SIGLEC1: variants seen among roughly 807,000 people sequenced by gnomAD.
SIGLEC1 encodes sialoadhesin.
Under a neutral mutation model 148.0 loss-of-function variants are expected in SIGLEC1, and 132 were observed. The observed-to-expected ratio is 0.89, with a 90% CI of 0.77 to 1.03. SIGLEC1 has a LOEUF of 1.03. SIGLEC1 is among the 50% of genes least tolerant of loss of function. The pLI is 0.00. For missense variants in SIGLEC1, 2,253 were observed against 2,271.4 expected (o/e 0.99, Z 0.16); for synonymous variants, 945 against 969.0 (o/e 0.98, Z 0.46).
chr20:3,689,806 G>A (rs780476460), intron 19 of SIGLEC1, 104 bp from the exon 20 acceptor site: 8 of 1,227,020 alleles, frequency 6.5e-6, no homozygotes, highest in South Asian at 2.8e-5. Context: ...TTGCTTTATC[G>A]CTGAAGCTCT....
At chr20:3,692,324 A>T in intron 16 of SIGLEC1, 122 bp from the exon 17 acceptor site, 2 of 1,191,532 alleles carry the variant, frequency 1.7e-6, no homozygotes, top group Non-Finnish European at 2.3e-6. Flanking sequence ...TAGAAGTGAC[A>T]CCTTCCCAGG....
At position 3,690,251 on chromosome 20, in the gene SIGLEC1, C is replaced by T. The variant is rs914065644; in HGVS notation, c.4605G>A (p.Thr1535=). The T allele has an allele frequency of 3.9e-6, 6 of 1,546,166 alleles. No homozygotes were observed. Among genetic ancestry groups the T allele is most frequent in the African/African-American group, 1.4e-5 (1 of 72,996 alleles). The change falls in exon 19 of 22, where the codon ACG becomes ACA. Residue 1535 remains threonine, a synonymous_variant. Transcript: ENST00000344754. ...GCTCCACGAAGACCATCATGGTGGG[C>T]GTCTTGGGAGGGTCTGTGGGGAGGA... ...VMLRVLYPPK[T]PTMMVFVEPE...
intron 20 of SIGLEC1, 157 bp downstream of exon 20, chr20:3,689,443 A>G: frequency 1.5e-6 from 1 of 657,100 alleles, no homozygotes; most frequent in Non-Finnish European, 2.6e-6. Context: ...ATTTAGGGAC[A>G]ATTCTAGAAG....
chr20:3,703,463 G>A lies in SIGLEC1; in HGVS notation c.974-12C>T. 6.4e-7 allele frequency: 1 copy of A among 1,558,666 alleles called. No homozygotes were observed. Among genetic ancestry groups the A allele is most frequent in the Non-Finnish European group, 8.7e-7 (1 of 1,150,632 alleles). ...CTGGACCTCAGCCACTGCAAGGGCA[G>A]CATAGGGAGTGCTGGGGGGTCCCAG... On this transcript the variant is annotated splice_polypyrimidine_tract_variant and intron_variant, in intron 5 of 21. Coordinates refer to ENST00000344754, the MANE Select transcript of SIGLEC1 (RefSeq NM_023068.4).
rs991026418 is a variant in SIGLEC1, at chr20:3,694,092, C to T, written c.3256+129G>A. 8 of 1,034,846 alleles carry T rather than the reference C, an allele frequency of 7.7e-6. No individual in the cohort carries two copies. In the East Asian group the frequency reaches 7.8e-5, roughly 10 times the overall value. The allele number at this position is 1,034,846 out of a possible 1,614,324, so 64.1% of individuals were successfully genotyped here. On this transcript the variant is annotated intron_variant, in intron 13 of 21. Transcript: ENST00000344754. ...GAAACTCAAGTCTGGAGTCCACCAT[C>T]GTTAGGAAGGGTGGGAATGGGGACT...
At chr20:3,700,948 C>T (rs1044104142) in intron 7 of SIGLEC1, among the ~76,000 whole-genome samples, 3 of 152,132 alleles carry the variant, frequency 2.0e-5, no homozygotes, top group African/African-American at 7.2e-5. Context: ...ATCCACCCAC[C>T]TCGGCCTCCC....
Position 3,692,750 on chromosome 20 carries a change from C to A in SIGLEC1, c.3801G>T (p.Pro1267=). Residue 1267 remains proline (P), a synonymous_variant, in exon 16 of 22, where the codon CCG becomes CCT. Coordinates refer to ENST00000344754, the MANE Select transcript of SIGLEC1 (RefSeq NM_023068.4). The part of the protein sequence containing the change: ...RLEGVRVILA[P]EAAVPEGAPI... ...GGGCACCTTCAGGCACGGCAGCCTC[C>A]GGAGCCAGGATCACCCGCACACCTG... is the stretch of plus-strand genomic sequence containing the variant. 1 of 1,611,228 alleles carries A rather than the reference C, an allele frequency of 6.2e-7. No homozygotes were observed. Among genetic ancestry groups the A allele is most frequent in the Non-Finnish European group, 8.5e-7 (1 of 1,179,450 alleles).
chr20:3,696,222 T>A (rs2088820971), intron 11 of SIGLEC1, among the ~76,000 whole-genome samples: 1 of 151,892 alleles, frequency 6.6e-6, no homozygotes, highest in Admixed American at 6.6e-5. Flanking sequence ...ATACACATAA[T>A]GTATATTTGT....
At position 3,688,228 on chromosome 20, in the gene SIGLEC1, A is replaced by G. The variant is rs2146515542; in HGVS notation, c.*332T>C. The G allele has an allele frequency of 2.7e-6, 1 of 367,880 alleles. No individual in the cohort carries two copies. 22.8% of individuals were successfully genotyped at this position (367,880 alleles called of 1,614,324 possible). On this transcript the variant is annotated 3_prime_UTR_variant, in exon 22 of 22. Transcript: ENST00000344754. Reference sequence around the variant, plus strand: ...ATGCAGGATGCTGCAATCCAACCAAAGTCCAGGGTGACTTTCGAGGAGAAG... The same window carrying G: ...ATGCAGGATGCTGCAATCCAACCAAGGTCCAGGGTGACTTTCGAGGAGAAG...
chr20:3,700,738 T>C (rs1217867343), intron 7 of SIGLEC1, among the ~76,000 whole-genome samples: 1 of 143,160 alleles, frequency 7.0e-6, no homozygotes, highest in East Asian at 2.1e-4. Context: ...CTCACTCTTG[T>C]CACCCAGGCT....
Position 3,706,484 on chromosome 20 carries a change from C to T in SIGLEC1, c.272G>A (p.Gly91Glu), listed in dbSNP as rs2087895622. Residue 91 changes from glycine (G) to glutamate (E), a missense_variant, in exon 3 of 22, where the codon GGG becomes GAG. Physicochemically the swap from Gly to Glu is moderately conservative, Grantham distance 98. Coordinates refer to ENST00000344754, the MANE Select transcript of SIGLEC1 (RefSeq NM_023068.4). ...ARFRGRTEFM[G>E]NPEHRVCNLL... ...GTTGCACACCCTGTGCTCGGGGTTCCCCATGAACTCGGTGCGGCCGCGGAA... is the reference window on the plus strand; with the variant it reads ...GTTGCACACCCTGTGCTCGGGGTTCTCCATGAACTCGGTGCGGCCGCGGAA... 2 of 1,613,890 alleles carry T rather than the reference C, an allele frequency of 1.2e-6. No homozygotes were observed. Among genetic ancestry groups the T allele is most frequent in the Non-Finnish European group, 1.7e-6 (2 of 1,180,028 alleles).
At position 3,694,713 on chromosome 20, in the gene SIGLEC1, G is replaced by A. The variant is rs767634675; in HGVS notation, c.2894C>T (p.Pro965Leu). Reference protein sequence around the residue: ...AGAYHCQAQAPGSATTSLAAP... With the variant: ...AGAYHCQAQALGSATTSLAAP... The stretch of plus-strand genomic sequence containing the variant: ...AGCTAGGCTCGTGGTGGCTGAGCCT[G>A]GGGCCTGGGCTTGGCAATGATAGGC... Residue 965 changes from proline (P) to leucine (L), a missense_variant, in exon 12 of 22, where the codon CCA becomes CTA. Physicochemically the swap from Pro to Leu is moderately conservative, Grantham distance 98 (BLOSUM62 -3). Transcript: ENST00000344754. 8 of 1,613,656 alleles carry A rather than the reference G, an allele frequency of 5.0e-6. No homozygotes were observed. The Admixed American group carries it at 8.3e-5, about 17-fold the overall frequency.
In SIGLEC1 at chr20:3,687,466, T is replaced by C. The variant is rs1004247371; in HGVS notation, c.*1094A>G. On this transcript the variant is annotated 3_prime_UTR_variant, in exon 22 of 22. Coordinates refer to ENST00000344754, the MANE Select transcript of SIGLEC1 (RefSeq NM_023068.4). ...TAAGGTAGTACCCAGTCCCTGGGGG[T>C]AGGGGGGGTGGTGGTGGGAATGAGG... 6.6e-6 allele frequency: 1 copy of C among 151,966 alleles called. No homozygotes were observed. Among genetic ancestry groups the C allele is most frequent in the Non-Finnish European group, 1.5e-5 (1 of 68,026 alleles). The allele number at this position is 151,966 out of a possible 1,614,324, so 9.4% of individuals were successfully genotyped here. A position where few individuals can be genotyped will look rare whatever the true frequency, so the allele number is the denominator to read the frequency against.
At position 3,693,430 on chromosome 20, in the gene SIGLEC1, C is replaced by T. The variant is rs1292906704; in HGVS notation, c.3508+17G>A. 6.5e-7 allele frequency: 1 copy of T among 1,550,328 alleles called. No homozygotes were observed. ...TGTCATTCCTGTGAGTCCCACCCTG[C>T]ATCCAGCCAGACTCACAGAGGACGT... On this transcript the variant is annotated intron_variant, in intron 14 of 21. Transcript: ENST00000344754.
At position 3,703,349 on chromosome 20, in the gene SIGLEC1, C is replaced by G. The variant is rs2087866979; in HGVS notation, c.1076G>C (p.Ser359Thr). Residue 359 changes from serine to threonine, a missense_variant, in exon 6 of 22, where the codon AGC (serine) becomes ACC (threonine). Coordinates refer to ENST00000344754, the MANE Select transcript of SIGLEC1 (RefSeq NM_023068.4). ...CAGCAGGACATGGTTCTTGTACCAG[C>G]TGTAGCGGAGATCACTGGGTGCCTC... ...PNEAPSDLRY[S>T]WYKNHVLLED... 2 of 1,614,012 alleles carry G rather than the reference C, an allele frequency of 1.2e-6. No individual in the cohort carries two copies. The highest frequency in any genetic ancestry group is 1.7e-6 in the Non-Finnish European group (2 of 1,179,934).
rs1472149998 is a variant in SIGLEC1, at chr20:3,697,985, A to T, written c.1935T>A (p.Thr645=). 1 of 1,607,344 alleles carries T rather than the reference A, an allele frequency of 6.2e-7. No individual in the cohort carries two copies. Among genetic ancestry groups the T allele is most frequent in the East Asian group, 2.2e-5 (1 of 44,704 alleles). Residue 645 remains threonine, a synonymous_variant, in exon 9 of 22, where the codon ACT becomes ACA. Coordinates refer to ENST00000344754, the MANE Select transcript of SIGLEC1 (RefSeq NM_023068.4). ...QLLHKDRVVA[T]SLPSGGGCST... ...TGCAGCCACCCCCTGATGGCAGGGA[A>T]GTGGCCACAACACGGTCCTTGTGGA...
chr20:3,712,406 C>A (rs2087934133), intron 1 of SIGLEC1, among the ~76,000 whole-genome samples, 64 bp downstream of exon 1: 1 of 139,828 alleles, frequency 7.2e-6, no homozygotes, highest in Admixed American at 7.1e-5. Context: ...CAGCCAGTTT[C>A]AGCCCAGCCC....
rs771108921 is a variant in SIGLEC1 at position 3,707,177 on chromosome 20, C to G, written c.-49G>C. 4 of 1,587,404 alleles carry G rather than the reference C, an allele frequency of 2.5e-6. No individual in the cohort carries two copies. Among genetic ancestry groups the G allele is most frequent in the Non-Finnish European group, 3.5e-6 (4 of 1,157,190 alleles). ...TTGCCTAAGAGGGTGGTGCGCACTG[C>G]GCTGGCTGGGCTCACAGGGGCCTCC... is the stretch of plus-strand genomic sequence containing the variant. On this transcript the variant is annotated 5_prime_UTR_variant, in exon 2 of 22. Transcript: ENST00000344754.
rs1351850969 is a variant in SIGLEC1 at position 3,707,124 on chromosome 20, C to G, written c.5G>C (p.Gly2Ala). The change falls in exon 2 of 22, where the codon GGC (glycine) becomes GCC (alanine). Residue 2 changes from glycine to alanine, a missense_variant. Gly to Ala is a moderately conservative substitution (Grantham distance 60). Coordinates refer to ENST00000344754, the MANE Select transcript of SIGLEC1 (RefSeq NM_023068.4). M[G>A]FLPKLLLLAS... ...CAGGAGGAGAAGCTTGGGCAAGAAG[C>G]CCATAGCAGGTTCTTGTGCTGCTCC... 6.2e-7 allele frequency: 1 copy of G among 1,614,000 alleles called. No homozygotes were observed. The highest frequency in any genetic ancestry group is 8.5e-7 in the Non-Finnish European group (1 of 1,179,936).
Sources: allele counts gnomAD v4.1 joint callset (sites outside exome capture counted in the v4.1 genomes callset), GRCh38; gene constraint gnomAD v4.1.1; transcripts MANE v1.5; gene names NCBI Gene and HGNC (gene_info 2026-07-23, HGNC 2026-07-21).